Variants in ZFHX2 observed in about 807,000 individuals in gnomAD.
ZFHX2 encodes the protein zinc finger homeobox 2, also known as zinc finger homeobox protein 2.
In ZFHX2, 75 loss-of-function variants were observed where a neutral mutation model predicts 164.8. The observed-to-expected ratio is 0.46, with a 90% confidence interval of 0.38 to 0.55. The LOEUF (loss-of-function observed/expected upper bound fraction) is 0.55. ZFHX2 is among the 20% of genes least tolerant of loss of function. The pLI, the probability that ZFHX2 is intolerant of heterozygous loss-of-function variation, is 0.00. For missense variants in ZFHX2, 2,933 were observed against 3,308.0 expected (o/e 0.89, Z 2.78); for synonymous variants, 1,217 against 1,351.4 (o/e 0.90, Z 2.18).
In ZFHX2 at chr14:23,525,917, G is replaced by A. The variant is rs1388713214; in HGVS notation, c.4025C>T (p.Pro1342Leu). The part of the protein sequence containing the change: ...LHRFPAPLFT[P>L]PVLPPFPLVP... ...CAGAGGGAAGGGGGGCAGGACTGGT[G>A]GGGTGAAGAGAGGGGCTGGGAATCG... Residue 1342 changes from proline to leucine, a missense_variant, in exon 9 of 10, where the codon CCA becomes CTA. Transcript: ENST00000419474. This position sits in a 1 kb window ranked among gnomAD's most constrained non-coding sequence, Gnocchi z 5.9. 2.7e-6 allele frequency: 4 copies of A among 1,472,948 alleles called. No individual in the cohort carries two copies. Among genetic ancestry groups the A allele is most frequent in the Non-Finnish European group, 3.6e-6 (4 of 1,115,642 alleles). The allele number at this position is 1,472,948 out of a possible 1,614,324, so 91.2% of individuals were successfully genotyped here.
At position 23,551,009 on chromosome 14, in the gene ZFHX2, G is replaced by C. The variant is rs901487247; in HGVS notation, c.-50+334C>G. On this transcript the variant is annotated intron_variant, in intron 1 of 9. Transcript: ENST00000419474. The surrounding 1 kb of genome is among the most constrained non-coding windows in gnomAD (Gnocchi z 5.3). ...CTCCCTGCCCAACTCGGCGCGGTCCGTCTAGGCTTTCCATACCCTTCGTCT... is the reference window on the plus strand; with the variant it reads ...CTCCCTGCCCAACTCGGCGCGGTCCCTCTAGGCTTTCCATACCCTTCGTCT... Among the ~76,000 whole-genome samples, 10 of 151,586 alleles carry C rather than the reference G, an allele frequency of 6.6e-5. No homozygotes were observed. The highest frequency in any genetic ancestry group is 2.2e-4 in the African/African-American group (9 of 41,192).
upstream of ZFHX2, among the ~76,000 whole-genome samples, chr14:23,555,490 C>T (rs1310146109): frequency 6.6e-6 from 1 of 152,170 alleles, no homozygotes; most frequent in Non-Finnish European, 1.5e-5. Context: ...CTATTCCTGT[C>T]TCCATCTAGG....
In ZFHX2 at chr14:23,523,694, C is replaced by G. The variant is rs954217620; in HGVS notation, c.6248G>C (p.Cys2083Ser). Reference protein sequence around the residue: ...SSLQLKIMKACYEAYRTPTMQ... With the variant: ...SSLQLKIMKASYEAYRTPTMQ... ...GGTGGGGGTGCGGTAAGCTTCATAGCAGGCTTTCATGATCTTCAGCTGCAG... is the reference window on the plus strand; with the variant it reads ...GGTGGGGGTGCGGTAAGCTTCATAGGAGGCTTTCATGATCTTCAGCTGCAG... The change falls in exon 9 of 10, where the codon TGC (cysteine) becomes TCC (serine). Residue 2083 changes from cysteine (C) to serine (S), a missense_variant. Transcript: ENST00000419474. The surrounding 1 kb of genome is among the most constrained non-coding windows in gnomAD (Gnocchi z 4.1). 1 of 1,537,288 alleles carries G rather than the reference C, an allele frequency of 6.5e-7. No homozygotes were observed. The highest frequency in any genetic ancestry group is 8.7e-7 in the Non-Finnish European group (1 of 1,147,372).
chr14:23,525,162 C>T lies in ZFHX2; in HGVS notation c.4780G>A (p.Gly1594Ser), dbSNP rs562732541. 85 of 1,536,128 alleles carry T rather than the reference C, an allele frequency of 5.5e-5. No individual in the cohort carries two copies. The highest frequency in any genetic ancestry group is 9.5e-5 in the South Asian group (8 of 84,068). Residue 1594 changes from glycine to serine, a missense_variant, in exon 9 of 10, where the codon GGC (glycine) becomes AGC (serine). Gly to Ser is a moderately conservative substitution (Grantham distance 56, BLOSUM62 0). Transcript: ENST00000419474. The surrounding 1 kb of genome is among the most constrained non-coding windows in gnomAD (Gnocchi z 5.9). ...AACTTGGTTCTGGAGAACCGGCGGC[C>T]GGCAGGCACCAGGGGAGGAAGATTC... ...RGNLPPLVPAGRRFSRTKFTE... is the reference protein window; with the variant it reads ...RGNLPPLVPASRRFSRTKFTE...
upstream of ZFHX2, among the ~76,000 whole-genome samples, chr14:23,553,347 C>T (rs1382078157): frequency 1.3e-5 from 2 of 152,200 alleles, no homozygotes; most frequent in Non-Finnish European, 2.9e-5. Flanking sequence ...CTCCTGTAAT[C>T]CCAGCACTTT....
At chr14:23,531,327 C>T in intron 4 of ZFHX2, 154 bp downstream of exon 4, 1 of 1,146,778 alleles carries the variant, frequency 8.7e-7, no homozygotes, top group Non-Finnish European at 1.1e-6. Context: ...CACGCTCATT[C>T]TGTCTTATCC....
rs1233101542 is a variant in ZFHX2, at chr14:23,535,600, A to G, written c.-49-226T>C. 4.6e-5 allele frequency among the ~76,000 whole-genome samples: 7 copies of G among 151,180 alleles called. No homozygotes were observed. Among genetic ancestry groups the G allele is most frequent in the Admixed American group, 4.6e-4 (7 of 15,148 alleles). ...TTTATTTTATTTTATTAATTAATTA[A>G]TTTTTTTTTGAGATGGAGTTTTGCT... is the stretch of plus-strand genomic sequence containing the variant. On this transcript the variant is annotated intron_variant, in intron 1 of 9. Coordinates refer to ENST00000419474, the MANE Select transcript of ZFHX2 (RefSeq NM_033400.3). The surrounding 1 kb of genome is among the most constrained non-coding windows in gnomAD (Gnocchi z 4.5).
At position 23,523,056 on chromosome 14, in the gene ZFHX2, C is replaced by T; in HGVS notation, c.6740-115G>A. ...TTCCCAGCACCGGATTTCCATGCCC[C>T]TTCCCTCCCTTCTTTCCCCCAAGAG... On this transcript the variant is annotated intron_variant, in intron 9 of 9. Coordinates refer to ENST00000419474, the MANE Select transcript of ZFHX2 (RefSeq NM_033400.3). The surrounding 1 kb of genome is among the most constrained non-coding windows in gnomAD (Gnocchi z 4.1). The T allele has an allele frequency of 7.1e-7, 1 of 1,404,058 alleles. No individual in the cohort carries two copies. The highest frequency in any genetic ancestry group is 9.2e-7 in the Non-Finnish European group (1 of 1,084,184). The allele number at this position is 1,404,058 out of a possible 1,614,324, so 87.0% of individuals were successfully genotyped here.
Position 23,524,317 on chromosome 14 carries a change from C to A in ZFHX2, c.5625G>T (p.Trp1875Cys). 6.5e-7 allele frequency: 1 copy of A among 1,536,350 alleles called. No individual in the cohort carries two copies. Among genetic ancestry groups the A allele is most frequent in the Non-Finnish European group, 8.7e-7 (1 of 1,146,952 alleles). Residue 1875 changes from tryptophan to cysteine, a missense_variant, in exon 9 of 10, where the codon TGG becomes TGT. By Grantham distance (215) the Trp-to-Cys change is radical. Coordinates refer to ENST00000419474, the MANE Select transcript of ZFHX2 (RefSeq NM_033400.3). This position sits in a 1 kb window ranked among gnomAD's most constrained non-coding sequence, Gnocchi z 5.6. ...GTGTTGGGTTGGAATCCTGCATGTA[C>A]CAACGGTACAGGATCTCTAGCTGCT... ...LPEQLEILYR[W>C]YMQDSNPTRK...
intron 6 of ZFHX2, among the ~76,000 whole-genome samples, 197 bp from the exon 7 acceptor site, chr14:23,528,001 G>A (rs780245121): frequency 2.0e-5 from 3 of 150,946 alleles, no homozygotes; most frequent in Non-Finnish European, 2.9e-5. Flanking sequence ...CCGCCTTCCA[G>A]GTTCAAGCAA....
chr14:23,530,383 T>C, intron 4 of ZFHX2, 189 bp from the exon 5 acceptor site: 1 of 699,466 alleles, frequency 1.4e-6, no homozygotes. Context: ...AAAATTACAG[T>C]ATTAGAACTG....
chr14:23,536,075 A>G (rs1880111380), intron 1 of ZFHX2, among the ~76,000 whole-genome samples: 1 of 152,032 alleles, frequency 6.6e-6, no homozygotes, highest in Non-Finnish European at 1.5e-5. Context: ...TATCTCCTTC[A>G]CTAACACCAT....
rs979754045 is a variant in ZFHX2 at position 23,524,190 on chromosome 14, G to A, written c.5752C>T (p.Arg1918Ter). Residue 1918 changes from arginine (R) to a stop codon, truncating the protein, a stop_gained, in exon 9 of 10, where the codon CGA becomes TGA. Coordinates refer to ENST00000419474, the MANE Select transcript of ZFHX2 (RefSeq NM_033400.3). LOFTEE classifies it high-confidence loss of function. The surrounding 1 kb of genome is among the most constrained non-coding windows in gnomAD (Gnocchi z 5.6). ...CTAGGCACCCCCCCAGGGGTGCTTCGAAACTGGCCTTTCCTCTCCCGGGCC... is the reference window on the plus strand; with the variant it reads ...CTAGGCACCCCCCCAGGGGTGCTTCAAAACTGGCCTTTCCTCTCCCGGGCC... The part of the protein sequence containing the change: ...TRARERKGQF[R>*]STPGGVPSPA... The A allele has an allele frequency of 7.8e-6, 12 of 1,536,286 alleles. No homozygotes were observed. Among genetic ancestry groups the A allele is most frequent in the East Asian group, 4.9e-5 (2 of 40,922 alleles).
intron 1 of ZFHX2, among the ~76,000 whole-genome samples, chr14:23,544,917 TG>T (rs994394985): frequency 1.2e-4 from 18 of 152,148 alleles, no homozygotes; most frequent in Middle Eastern, 3.4e-3. Flanking sequence ...TGTCCCCCAT[TG>T]TTCTTTTCCC....
At chr14:23,553,444 A>T (rs1882120733), upstream of ZFHX2, among the ~76,000 whole-genome samples, 1 of 152,030 alleles carries the variant, frequency 6.6e-6, no homozygotes, top group Non-Finnish European at 1.5e-5. Flanking sequence ...TACTAAAAAT[A>T]CAAAATTAGC....
chr14:23,547,070 C>A (rs547644590), intron 1 of ZFHX2, among the ~76,000 whole-genome samples: 9 of 152,348 alleles, frequency 5.9e-5, no homozygotes, highest in African/African-American at 1.7e-4. Flanking sequence ...TAGACCTCCT[C>A]TTTCTGCAGA....
intron 1 of ZFHX2, among the ~76,000 whole-genome samples, chr14:23,540,690 G>T (rs191665165): frequency 7.9e-5 from 12 of 152,302 alleles, no homozygotes; most frequent in African/African-American, 2.9e-4. Flanking sequence ...GGGAAATTAC[G>T]TATTGAGCCT....
Position 23,534,489 on chromosome 14 carries a change from C to G in ZFHX2, c.837G>C (p.Gln279His), listed in dbSNP as rs1238905862. The change falls in exon 2 of 10, where the codon CAG (glutamine) becomes CAC (histidine). Residue 279 changes from glutamine (Q) to histidine (H), a missense_variant. Coordinates refer to ENST00000419474, the MANE Select transcript of ZFHX2 (RefSeq NM_033400.3). The surrounding 1 kb of genome is among the most constrained non-coding windows in gnomAD (Gnocchi z 4.5). ...GGGCCTTGCAGCCTTCATCTCCCTC[C>G]TGGAGTACAGCTGGGCTACCTGACA... ...QGLSGSPAVL[Q>H]EGDEGCKALI... 3.3e-6 allele frequency: 5 copies of G among 1,536,136 alleles called. No homozygotes were observed. The highest frequency in any genetic ancestry group is 1.7e-4 in the Middle Eastern group (1 of 6,014).
At chr14:23,528,074 A>G (rs773177798) in intron 6 of ZFHX2, among the ~76,000 whole-genome samples, 5 of 151,790 alleles carry the variant, frequency 3.3e-5, no homozygotes, top group African/African-American at 4.8e-5. Context: ...CGCCCAGCTA[A>G]TTTTTGTATT....
Sources: gnomAD v4.1 joint callset for allele counts (sites outside exome capture counted in the v4.1 genomes callset) on GRCh38, gnomAD v4.1.1 for gene constraint, Gnocchi (gnomAD v3.1) non-coding constraint, MANE v1.5 for transcripts, NCBI Gene and HGNC (gene_info 2026-07-23, HGNC 2026-07-21) for gene names.